Variants in NCR3LG1 observed in about 807,000 individuals in gnomAD.
NCR3LG1 encodes natural killer cell cytotoxicity receptor 3 ligand 1.
NCR3LG1 carries 35 observed loss-of-function variants against 34.8 expected under a neutral mutation model. The ratio of observed to expected loss-of-function variants is 1.01; its 90% CI spans 0.77 to 1.33. The LOEUF (loss-of-function observed/expected upper bound fraction) is 1.33, where lower values mean the gene tolerates loss of function less well. NCR3LG1 is among the 40% of genes most tolerant of loss of function. The pLI, the probability that NCR3LG1 is intolerant of heterozygous loss-of-function variation, is 0.00. For synonymous variants in NCR3LG1, 173 were observed against 163.6 expected (o/e 1.06, Z -0.44); for missense variants, 452 against 423.3 (o/e 1.07, Z -0.60).
chr11:17,369,876 G>A, intron 4 of NCR3LG1, among the ~76,000 whole-genome samples: 1 of 152,186 alleles, frequency 6.6e-6, no homozygotes, highest in East Asian at 1.9e-4. Context: ...AGTCAGGCAG[G>A]CAGTTAGGGT....
At chr11:17,379,079 C>T (rs957370709), downstream of NCR3LG1, among the ~76,000 whole-genome samples, 9 of 152,174 alleles carry the variant, frequency 5.9e-5, no homozygotes, top group African/African-American at 1.9e-4. Context: ...TGTGAAATGG[C>T]GACACTCTTT....
At position 17,368,983 on chromosome 11, in the gene NCR3LG1, A is replaced by G; in HGVS notation, c.858+19A>G. The stretch of plus-strand genomic sequence containing the variant: ...GAAAAAGGTAAGGGGCTCCAAAGCA[A>G]AGTTCAGCCCTGTGTCTTGGGCTAG... On this transcript the variant is annotated intron_variant, in intron 4 of 4. Coordinates refer to ENST00000338965, the MANE Select transcript of NCR3LG1 (RefSeq NM_001202439.3). 1 of 1,475,802 alleles carries G rather than the reference A, an allele frequency of 6.8e-7. No individual in the cohort carries two copies. The highest frequency in any genetic ancestry group is 1.2e-5 in the South Asian group (1 of 82,430). The allele number at this position is 1,475,802 out of a possible 1,614,324, so 91.4% of individuals were successfully genotyped here. A position where few individuals can be genotyped will look rare whatever the true frequency, so the allele number is the denominator to read the frequency against.
In NCR3LG1 at chr11:17,367,331, T is replaced by C; in HGVS notation, c.744T>C (p.Ala248=). ...PLRSNFTLTA[A]RHSLSETEKT... ...GGAGCAACTTTACCCTGACTGCTGC[T>C]CGGCACAGTCTTTCTGGTAAGGGTC... The change falls in exon 3 of 5, where the codon GCT becomes GCC. Residue 248 remains alanine (A), a synonymous_variant. Coordinates refer to ENST00000338965, the MANE Select transcript of NCR3LG1 (RefSeq NM_001202439.3). 6.5e-7 allele frequency: 1 copy of C among 1,533,930 alleles called. No individual in the cohort carries two copies. The highest frequency in any genetic ancestry group is 8.7e-7 in the Non-Finnish European group (1 of 1,145,330).
At chr11:17,370,940 G>A (rs1953399290) in intron 4 of NCR3LG1, among the ~76,000 whole-genome samples, 1 of 152,132 alleles carries the variant, frequency 6.6e-6, no homozygotes, top group Non-Finnish European at 1.5e-5. Flanking sequence ...TCAAATAATT[G>A]TTGTTTTTGT....
intron 2 of NCR3LG1, among the ~76,000 whole-genome samples, chr11:17,363,119 G>C (rs1475906590): frequency 2.0e-5 from 3 of 148,462 alleles, no homozygotes; most frequent in African/African-American, 7.5e-5. Context: ...AAGAGATGGA[G>C]TCTATGTTGC....
intron 1 of NCR3LG1, among the ~76,000 whole-genome samples, chr11:17,354,545 C>CTTTTTTTTTTTTT (rs71047545): frequency 1.1e-4 from 8 of 70,330 alleles, no homozygotes; most frequent in Non-Finnish European, 1.7e-4. Context: ...AATTCTTCTT[C>CTTTTTTTTTTTTT]TTTTTTTTTT....
In NCR3LG1 at chr11:17,356,709, T is replaced by C. The variant is rs189550077; in HGVS notation, c.129T>C (p.Asn43=). Residue 43 remains asparagine, a synonymous_variant, in exon 2 of 5, where the codon AAT becomes AAC. Coordinates refer to ENST00000338965, the MANE Select transcript of NCR3LG1 (RefSeq NM_001202439.3). ...CTCAGATCACACCCCTGAATGACAA[T>C]GTCACCATATTCTGCAATATCTTTT... ...GGTQITPLND[N]VTIFCNIFYS... is the part of the protein sequence containing the mutation. 1.8e-5 allele frequency: 27 copies of C among 1,536,336 alleles called. No homozygotes were observed. In the East Asian group the frequency reaches 3.4e-4, roughly 19 times the overall value.
At chr11:17,352,883 A>G (rs1953155251) in intron 1 of NCR3LG1, among the ~76,000 whole-genome samples, 1 of 151,984 alleles carries the variant, frequency 6.6e-6, no homozygotes, top group Non-Finnish European at 1.5e-5. Flanking sequence ...GTATGTAGAG[A>G]TATTTAAACT....
At chr11:17,366,946 TA>T in intron 2 of NCR3LG1, 62 bp from the exon 3 acceptor site, 2 of 1,218,372 alleles carry the variant, frequency 1.6e-6, no homozygotes, top group Non-Finnish European at 2.3e-6. Context: ...CCAGTTAGCA[TA>T]AGGTGTGGTG....
chr11:17,367,422 C>T lies in NCR3LG1; in HGVS notation c.760+75C>T. ...AACATAAGACTTATTCCCACACAGC[C>T]TGGGTCTTAGCTGGGGACTGAAGGG... On this transcript the variant is annotated intron_variant, in intron 3 of 4. Transcript: ENST00000338965. 3 of 1,232,452 alleles carry T rather than the reference C, an allele frequency of 2.4e-6. No individual in the cohort carries two copies. In the African/African-American group the frequency reaches 4.5e-5, roughly 19 times the overall value. The allele number at this position is 1,232,452 out of a possible 1,614,324, so 76.3% of individuals were successfully genotyped here.
At position 17,374,211 on chromosome 11, in the gene NCR3LG1, T is replaced by C. The variant is rs1953448004; in HGVS notation, c.*1699T>C. 1 of 152,174 alleles carries C rather than the reference T, an allele frequency of 6.6e-6. No individual in the cohort carries two copies. Among genetic ancestry groups the C allele is most frequent in the Admixed American group, 6.5e-5 (1 of 15,286 alleles). 9.4% of individuals were successfully genotyped at this position (152,174 alleles called of 1,614,324 possible). A position where few individuals can be genotyped will look rare whatever the true frequency, so the allele number is the denominator to read the frequency against. ...AGTCCCTATACTTTGCTAACTCAAATATCCAAGGGAACTAAATGGTTCACA... is the reference window on the plus strand; with the variant it reads ...AGTCCCTATACTTTGCTAACTCAAACATCCAAGGGAACTAAATGGTTCACA... On this transcript the variant is annotated 3_prime_UTR_variant, in exon 5 of 5. Transcript: ENST00000338965.
At chr11:17,354,618 C>G (rs1332113081) in intron 1 of NCR3LG1, among the ~76,000 whole-genome samples, 1 of 134,310 alleles carries the variant, frequency 7.4e-6, no homozygotes, top group Admixed American at 8.2e-5. Context: ...AACTAGGTGG[C>G]CTGGCTGTTT....
chr11:17,371,866 C>T, intron 4 of NCR3LG1, 140 bp from the exon 5 acceptor site: 2 of 604,678 alleles, frequency 3.3e-6, no homozygotes, highest in Non-Finnish European at 5.9e-6. Context: ...ATGGGCAGCA[C>T]CTATAATGGT....
Position 17,372,550 on chromosome 11 carries a change from C to A in NCR3LG1, c.*38C>A. On this transcript the variant is annotated 3_prime_UTR_variant, in exon 5 of 5. Coordinates refer to ENST00000338965, the MANE Select transcript of NCR3LG1 (RefSeq NM_001202439.3). ...CCTGGTGCCACTAGGGTCCAAGTTC[C>A]CTTTTCATTACAGGACCTTGGGCAA... The A allele has an allele frequency of 1.5e-6, 1 of 648,806 alleles. No homozygotes were observed. Among genetic ancestry groups the A allele is most frequent in the South Asian group, 1.7e-5 (1 of 58,002 alleles). The allele number at this position is 648,806 out of a possible 1,614,324, so 40.2% of individuals were successfully genotyped here. A position where few individuals can be genotyped will look rare whatever the true frequency, so the allele number is the denominator to read the frequency against.
chr11:17,374,034 A>C lies in NCR3LG1; in HGVS notation c.*1522A>C, dbSNP rs1404991354. The C allele has an allele frequency of 1.3e-5, 2 of 152,210 alleles. No individual in the cohort carries two copies. The highest frequency in any genetic ancestry group is 2.9e-5 in the Non-Finnish European group (2 of 68,046). 9.4% of individuals were successfully genotyped at this position (152,210 alleles called of 1,614,324 possible). On this transcript the variant is annotated 3_prime_UTR_variant, in exon 5 of 5. Coordinates refer to ENST00000338965, the MANE Select transcript of NCR3LG1 (RefSeq NM_001202439.3). ...AGAAAAGGGCTAGACGCCAGCATTGATAACCTAAAGGCACAAGGCCTCCTT... is the reference window on the plus strand; with the variant it reads ...AGAAAAGGGCTAGACGCCAGCATTGCTAACCTAAAGGCACAAGGCCTCCTT...
intron 2 of NCR3LG1, among the ~76,000 whole-genome samples, chr11:17,365,287 A>G (rs912877132): frequency 3.3e-5 from 5 of 151,616 alleles, no homozygotes; most frequent in African/African-American, 7.3e-5. Context: ...CTCCTTTCCT[A>G]TTGTCTTTGG....
chr11:17,378,917 C>T (rs963870889), downstream of NCR3LG1, among the ~76,000 whole-genome samples: 2 of 152,056 alleles, frequency 1.3e-5, no homozygotes, highest in Admixed American at 6.6e-5. Flanking sequence ...CTGAGACATG[C>T]GCAGTAAGGG....
chr11:17,355,049 C>G lies in NCR3LG1; in HGVS notation c.71-1602C>G, dbSNP rs187599284. On this transcript the variant is annotated intron_variant, in intron 1 of 4. Coordinates refer to ENST00000338965, the MANE Select transcript of NCR3LG1 (RefSeq NM_001202439.3). ...AATGTAATATTTTGAACTGTCCTTG[C>G]ACTTTTTGTTGGAATAGGTATAAGC... Among the ~76,000 whole-genome samples the G allele has an allele frequency of 1.3e-3, 192 of 152,268 alleles. 1 individual carries two copies. The highest frequency in any genetic ancestry group is 4.4e-3 in the African/African-American group (181 of 41,540).
intron 2 of NCR3LG1, among the ~76,000 whole-genome samples, chr11:17,360,622 A>C (rs1292258386): frequency 6.6e-6 from 1 of 150,494 alleles, no homozygotes; most frequent in Non-Finnish European, 1.5e-5. Flanking sequence ...TTTGCATATG[A>C]ACACCTAATT....
Sources: gnomAD v4.1 joint callset for allele counts (sites outside exome capture counted in the v4.1 genomes callset) on GRCh38, gnomAD v4.1.1 for gene constraint, MANE v1.5 for transcripts, NCBI Gene and HGNC (gene_info 2026-07-23, HGNC 2026-07-21) for gene names.